Variants in PDCL2 observed in about 807,000 individuals in gnomAD.
PDCL2 encodes the protein phosducin like 2, also known as phosducin-like protein 2.
Under a neutral mutation model 30.3 loss-of-function variants are expected in PDCL2, and 23 were observed. The ratio of observed to expected loss-of-function variants is 0.76; its 90% CI spans 0.55 to 1.08. The LOEUF is 1.08. Among genes scored for constraint, PDCL2 ranks in the 50% least tolerant of loss-of-function variants. PDCL2 has a pLI of 0.00. For missense variants in PDCL2, 243 were observed against 282.3 expected, an observed-to-expected ratio of 0.86 and a Z score of 1.00; for synonymous variants, 68 against 86.2, an observed-to-expected ratio of 0.79 and a Z score of 1.17.
chr4:55,562,493 A>T lies in PDCL2; in HGVS notation c.482T>A (p.Leu161Ter), dbSNP rs1302375707. 6 of 1,569,234 alleles carry T rather than the reference A, an allele frequency of 3.8e-6. No individual in the cohort carries two copies. Among genetic ancestry groups the T allele is most frequent in the African/African-American group, 1.4e-5 (1 of 72,714 alleles). Residue 161 changes from leucine to a stop codon, truncating the protein, a stop_gained, in exon 5 of 6, where the codon TTA (leucine) becomes TAA (stop). Transcript: ENST00000295645. LOFTEE classifies it high-confidence loss of function. ...ATTTTTATACACAAAAATTGTTGGT[A>T]AACAATTGTCATGGTAGTGTTGAAT... ...SCIQHYHDNCLPTIFVYKNGQ... is the reference protein window; with the variant it reads ...SCIQHYHDNC
chr4:55,582,399 T>C (rs1433096915), intron 1 of PDCL2, among the ~76,000 whole-genome samples, 162 bp from the exon 2 acceptor site: 1 of 152,182 alleles, frequency 6.6e-6, no homozygotes, highest in Non-Finnish European at 1.5e-5. Context: ...TTTTCCTGCT[T>C]CCCAGCACTA....
At chr4:55,583,759 T>G (rs1460154022) in intron 1 of PDCL2, among the ~76,000 whole-genome samples, 1 of 152,214 alleles carries the variant, frequency 6.6e-6, no homozygotes, top group East Asian at 1.9e-4. Flanking sequence ...AGTTCTCCAT[T>G]GGTCAATGTC....
intron 1 of PDCL2, among the ~76,000 whole-genome samples, chr4:55,582,981 A>AT (rs991825784): frequency 1.9e-4 from 28 of 151,306 alleles, no homozygotes; most frequent in East Asian, 3.9e-4. Flanking sequence ...ATTTTATTTT[A>AT]TTTTTTTTGA....
Position 55,592,092 on chromosome 4 carries a change from C to T in PDCL2, c.6+12G>A. 1 of 1,608,432 alleles carries T rather than the reference C, an allele frequency of 6.2e-7. No homozygotes were observed. Among genetic ancestry groups the T allele is most frequent in the East Asian group, 2.2e-5 (1 of 44,516 alleles). On this transcript the variant is annotated intron_variant, in intron 1 of 5. Coordinates refer to ENST00000295645, the MANE Select transcript of PDCL2 (RefSeq NM_152401.3). ...GGTGTTCCAGGGTGGCTCGGCAGGT[C>T]CCGACCCTCACCTGCATGATGCGCT... is the stretch of plus-strand genomic sequence containing the variant.
intron 4 of PDCL2, among the ~76,000 whole-genome samples, chr4:55,566,174 G>A (rs1732263005): frequency 6.6e-6 from 1 of 151,358 alleles, no homozygotes; most frequent in Non-Finnish European, 1.5e-5. Flanking sequence ...TAGAGACAGG[G>A]TTTTGCCATG....
intron 4 of PDCL2, 130 bp downstream of exon 4, chr4:55,569,588 G>A: frequency 2.2e-6 from 1 of 452,208 alleles, no homozygotes; most frequent in East Asian, 3.6e-5. Flanking sequence ...AAACCTCTAT[G>A]GATGTATATG....
intron 1 of PDCL2, among the ~76,000 whole-genome samples, chr4:55,583,116 C>T (rs1732770214): frequency 6.6e-6 from 1 of 152,116 alleles, no homozygotes; most frequent in South Asian, 2.1e-4. Flanking sequence ...GCTGAGACTA[C>T]AGGCTTGCTC....
chr4:55,564,506 C>T (rs1201508734), intron 4 of PDCL2, among the ~76,000 whole-genome samples: 1 of 152,128 alleles, frequency 6.6e-6, no homozygotes, highest in Non-Finnish European at 1.5e-5. Context: ...TCAAAATATA[C>T]ACTTGGGTAT....
At chr4:55,584,235 T>G (rs1036421150) in intron 1 of PDCL2, among the ~76,000 whole-genome samples, 30 of 75,148 alleles carry the variant, frequency 4.0e-4, no homozygotes, top group East Asian at 1.4e-3. Flanking sequence ...ATGTTACTAG[T>G]TTTTTTTTGT....
chr4:55,568,271 G>T (rs1262132703), intron 4 of PDCL2, among the ~76,000 whole-genome samples: 1 of 152,198 alleles, frequency 6.6e-6, no homozygotes, highest in Non-Finnish European at 1.5e-5. Context: ...CTGAACGAGA[G>T]AAACATTCAA....
intron 5 of PDCL2, among the ~76,000 whole-genome samples, chr4:55,561,006 T>G (rs1422051078): frequency 6.6e-6 from 1 of 152,170 alleles, no homozygotes; most frequent in East Asian, 1.9e-4. Flanking sequence ...GTATTTTTAT[T>G]ATAGCATCCC....
At chr4:55,568,266 C>T (rs559982520) in intron 4 of PDCL2, among the ~76,000 whole-genome samples, 4 of 152,236 alleles carry the variant, frequency 2.6e-5, no homozygotes, top group South Asian at 2.1e-4. Context: ...AAGGACTGAA[C>T]GAGAGAAACA....
At chr4:55,591,654 CAG>C (rs1402822289) in intron 1 of PDCL2, among the ~76,000 whole-genome samples, 4 of 152,242 alleles carry the variant, frequency 2.6e-5, no homozygotes, top group African/African-American at 9.6e-5. Context: ...AAAAGTCTAA[CAG>C]AGTTTTTGAG....
intron 4 of PDCL2, among the ~76,000 whole-genome samples, chr4:55,563,618 G>A (rs534217956): frequency 6.6e-6 from 1 of 152,306 alleles, no homozygotes; most frequent in East Asian, 1.9e-4. Context: ...TGGAGAAAAG[G>A]CACACAAGTT....
chr4:55,586,542 T>G (rs959937974), intron 1 of PDCL2, among the ~76,000 whole-genome samples: 10 of 152,252 alleles, frequency 6.6e-5, no homozygotes, highest in Non-Finnish European at 1.3e-4. Context: ...TAATATTCCA[T>G]TGTACCTATA....
chr4:55,566,441 T>TG, intron 4 of PDCL2, among the ~76,000 whole-genome samples: 1 of 150,394 alleles, frequency 6.6e-6, no homozygotes. Context: ...TTTTTTTTTT[T>TG]TTTTGATTTG....
At chr4:55,564,996 T>C (rs1732225752) in intron 4 of PDCL2, among the ~76,000 whole-genome samples, 1 of 152,088 alleles carries the variant, frequency 6.6e-6, no homozygotes, top group Non-Finnish European at 1.5e-5. Context: ...GATAATAGCT[T>C]TTCCCCAAAA....
At chr4:55,580,314 TTGTC>T (rs1732677844) in intron 3 of PDCL2, among the ~76,000 whole-genome samples, 3 of 152,234 alleles carry the variant, frequency 2.0e-5, no homozygotes, top group African/African-American at 7.2e-5. Flanking sequence ...AGTGATGTCT[TTGTC>T]TGGTTTTAGT....
At chr4:55,569,899 G>A in intron 3 of PDCL2, 38 bp from the exon 4 acceptor site, 2 of 1,362,508 alleles carry the variant, frequency 1.5e-6, no homozygotes. Context: ...TAAGAATACT[G>A]TCATATTCTT....
Sources: allele counts gnomAD v4.1 joint callset (sites outside exome capture counted in the v4.1 genomes callset), GRCh38; gene constraint gnomAD v4.1.1; transcripts MANE v1.5; gene names NCBI Gene and HGNC (gene_info 2026-07-23, HGNC 2026-07-21).